FARS2: variants seen among roughly 807,000 people sequenced by gnomAD.
FARS2 encodes phenylalanine--tRNA ligase, mitochondrial.
Under a neutral mutation model 46.4 loss-of-function variants are expected in FARS2, and 40 were observed. That is an observed-to-expected ratio of 0.86 (90% confidence interval 0.67 to 1.12). The LOEUF is 1.12. Ranked by LOEUF, FARS2 falls within the 50% of genes most tolerant of loss-of-function variation. FARS2 has a pLI of 0.00. For synonymous variants in FARS2, 234 were observed against 214.9 expected (o/e 1.09, Z -0.78); for missense variants, 513 against 567.9 (o/e 0.90, Z 0.98).
At chr6:5,345,800 A>G (rs1757193381) in intron 1 of FARS2, among the ~76,000 whole-genome samples, 1 of 152,262 alleles carries the variant, frequency 6.6e-6, no homozygotes, top group South Asian at 2.1e-4. Context: ...GTTATACAGT[A>G]GAATTTGAAT....
chr6:5,299,243 T>C (rs1314784760), intron 1 of FARS2, among the ~76,000 whole-genome samples: 1 of 152,238 alleles, frequency 6.6e-6, no homozygotes, highest in African/African-American at 2.4e-5. Flanking sequence ...TGAAGGTTTC[T>C]CATTTAGACT....
At position 5,343,473 on chromosome 6, in the gene FARS2, A is replaced by G. The variant is rs1757021760; in HGVS notation, c.-21-25077A>G. Among the ~76,000 whole-genome samples, 1 of 152,130 alleles carries G rather than the reference A, an allele frequency of 6.6e-6. No homozygotes were observed. Among genetic ancestry groups the G allele is most frequent in the African/African-American group, 2.4e-5 (1 of 41,408 alleles). Reference sequence around the variant, plus strand: ...GTGATCCACCCGCCTCGGCCTCTGAAAGTGCTGGGATTACAGGCGTGAACC... The same window carrying G: ...GTGATCCACCCGCCTCGGCCTCTGAGAGTGCTGGGATTACAGGCGTGAACC... On this transcript the variant is annotated intron_variant, in intron 1 of 6. Coordinates refer to ENST00000274680, the MANE Select transcript of FARS2 (RefSeq NM_006567.5). This position sits in a 1 kb window ranked among gnomAD's most constrained non-coding sequence, Gnocchi z 4.5.
At chr6:5,300,489 C>T (rs1375533105) in intron 1 of FARS2, among the ~76,000 whole-genome samples, 6 of 151,818 alleles carry the variant, frequency 4.0e-5, no homozygotes, top group African/African-American at 1.2e-4. Context: ...AATTTCATGA[C>T]GGTTGTGGGG....
chr6:5,644,418 G>A (rs1776974543), intron 6 of FARS2, among the ~76,000 whole-genome samples: 3 of 152,086 alleles, frequency 2.0e-5, no homozygotes, highest in Non-Finnish European at 4.4e-5. Flanking sequence ...GTTTCACCAT[G>A]TTGCTCAGAC....
Position 5,605,472 on chromosome 6 carries a change from A to G in FARS2, c.1066-7697A>G, listed in dbSNP as rs961296727. Among the ~76,000 whole-genome samples the G allele has an allele frequency of 3.3e-5, 5 of 152,208 alleles. No homozygotes were observed. The South Asian group carries it at 6.2e-4, about 19-fold the overall frequency. ...TCTCAGGAACTGAGCTAAGCACCCC[A>G]TGTCATCATCAGCCGTATCACCATT... On this transcript the variant is annotated intron_variant, in intron 5 of 6. Coordinates refer to ENST00000274680, the MANE Select transcript of FARS2 (RefSeq NM_006567.5).
intron 6 of FARS2, among the ~76,000 whole-genome samples, chr6:5,648,298 G>T (rs1269913716): frequency 1.3e-5 from 2 of 152,174 alleles, no homozygotes; most frequent in Non-Finnish European, 1.5e-5. Flanking sequence ...CAGAAACAGG[G>T]CTGGCGTCTT....
At chr6:5,553,441 A>G (rs933216275) in intron 5 of FARS2, among the ~76,000 whole-genome samples, 2 of 152,176 alleles carry the variant, frequency 1.3e-5, no homozygotes, top group Admixed American at 6.6e-5. Flanking sequence ...TTATTCTTGC[A>G]GTGTTATACG....
Position 5,341,210 on chromosome 6 carries a change from TATATATATATATATATATATATA to T in FARS2, c.-21-27339_-21-27317del, listed in dbSNP as rs1172177982. On this transcript the variant is annotated intron_variant, in intron 1 of 6. Transcript: ENST00000274680. ...GGAGATATATATATATATATATATA[TATATATATATATATATATATATA>T]TATTTTTTTTTTTTTTTTTTTTTTC... Among the ~76,000 whole-genome samples the T allele has an allele frequency of 7.4e-3, 37 of 5,002 alleles. 4 individuals carry two copies. Among genetic ancestry groups the T allele is most frequent in the African/African-American group, 0.017 (25 of 1,510 alleles). The allele number at this position is 5,002 out of a possible 152,430, so 3.3% of individuals were successfully genotyped here.
intron 6 of FARS2, among the ~76,000 whole-genome samples, chr6:5,703,844 T>G (rs113878710): frequency 0.012 from 1,768 of 152,340 alleles, 22 homozygotes; most frequent in Middle Eastern, 0.02. Context: ...TGGAAAAGGC[T>G]GTGCAGGCCT....
intron 4 of FARS2, among the ~76,000 whole-genome samples, chr6:5,483,774 G>C (rs1766615030): frequency 6.6e-6 from 1 of 152,170 alleles, no homozygotes; most frequent in South Asian, 2.1e-4. Context: ...CCAAGAGATG[G>C]AGATGAAGAA....
chr6:5,424,407 T>G (rs1762731064), intron 3 of FARS2, among the ~76,000 whole-genome samples: 1 of 152,226 alleles, frequency 6.6e-6, no homozygotes, highest in South Asian at 2.1e-4. Context: ...TCAGTAAGAC[T>G]TCTTATATGA....
intron 6 of FARS2, among the ~76,000 whole-genome samples, chr6:5,632,199 C>A (rs1776323685): frequency 6.6e-6 from 1 of 152,146 alleles, no homozygotes; most frequent in Non-Finnish European, 1.5e-5. Flanking sequence ...CCAAAAAATT[C>A]ATAGCAGATT....
Position 5,368,399 on chromosome 6 carries a change from A to AT in FARS2, c.-21-148dup, listed in dbSNP as rs1414396552. On this transcript the variant is annotated intron_variant, in intron 1 of 6. Transcript: ENST00000274680. ...GTATTAAGTATCACATGTCTGTCAG[A>AT]TTTCTTTAATTGGCTCTTTCAGCTG... is the stretch of plus-strand genomic sequence containing the variant. Among the ~76,000 whole-genome samples, 7 of 152,294 alleles carry AT rather than the reference A, an allele frequency of 4.6e-5. No homozygotes were observed. In the East Asian group the frequency reaches 1.4e-3, roughly 29 times the overall value.
intron 1 of FARS2, among the ~76,000 whole-genome samples, chr6:5,332,679 G>T (rs1770878833): frequency 6.6e-6 from 1 of 152,222 alleles, no homozygotes; most frequent in Admixed American, 6.5e-5. Context: ...TTGGATGTAA[G>T]ATGTTACAGA....
intron 6 of FARS2, among the ~76,000 whole-genome samples, chr6:5,654,727 T>A (rs1197339364): frequency 6.6e-6 from 1 of 152,018 alleles, no homozygotes; most frequent in Non-Finnish European, 1.5e-5. Flanking sequence ...AGGAAGTGGT[T>A]CTCTTTTAAT....
At chr6:5,426,438 CTT>C (rs753359081) in intron 3 of FARS2, among the ~76,000 whole-genome samples, 1 of 151,964 alleles carries the variant, frequency 6.6e-6, no homozygotes, top group South Asian at 2.1e-4. Flanking sequence ...GGCATTGTAT[CTT>C]TTAATACAAG....
intron 5 of FARS2, among the ~76,000 whole-genome samples, chr6:5,548,972 A>T (rs911950581): frequency 6.6e-6 from 1 of 152,246 alleles, no homozygotes; most frequent in Middle Eastern, 3.2e-3. Context: ...GTATTCACTT[A>T]TAATTAGTAT....
chr6:5,411,144 T>C (rs893264926), intron 3 of FARS2, among the ~76,000 whole-genome samples: 2 of 152,190 alleles, frequency 1.3e-5, no homozygotes, highest in African/African-American at 4.8e-5. Flanking sequence ...CCAGGCCCAA[T>C]GGCTCACGCC....
chr6:5,721,305 C>T (rs1328673204), intron 6 of FARS2, among the ~76,000 whole-genome samples: 1 of 152,082 alleles, frequency 6.6e-6, no homozygotes, highest in African/African-American at 2.4e-5. Flanking sequence ...GTTTTGGTTA[C>T]CCCAGATATT....
Sources: allele counts gnomAD v4.1 joint callset (sites outside exome capture counted in the v4.1 genomes callset), GRCh38; gene constraint gnomAD v4.1.1; non-coding constraint Gnocchi (gnomAD v3.1); transcripts MANE v1.5; gene names NCBI Gene and HGNC (gene_info 2026-07-23, HGNC 2026-07-21).